DNAH5: variants seen among roughly 807,000 people sequenced by gnomAD.
The protein encoded by DNAH5 is dynein axonemal heavy chain 5.
In DNAH5, 372 loss-of-function variants were observed where a neutral mutation model predicts 518.2. The ratio of observed to expected loss-of-function variants is 0.72; its 90% CI spans 0.66 to 0.78. DNAH5 has a LOEUF of 0.78. Among genes scored for constraint, DNAH5 ranks in the 30% least tolerant of loss-of-function variants. The probability of loss-of-function intolerance (pLI) is 0.00; values close to 1 mark genes in which losing one functional copy is unlikely to be tolerated. For missense variants in DNAH5, 5,523 were observed against 5,687.0 expected (o/e 0.97, Z 0.93); for synonymous variants, 2,039 against 2,025.9 (o/e 1.01, Z -0.17).
In DNAH5 at chr5:13,901,434, C is replaced by A. The variant is rs373727231; in HGVS notation, c.1870G>T (p.Ala624Ser). ...TGGCGGGCCCACAAAATCTTTCCAG[C>A]GATGGGAGGCTGGTTTCGAGCCAGA... ...PPLARNQPPI[A>S]GKILWARQLF... The change falls in exon 14 of 79, where the codon GCT (alanine) becomes TCT (serine). Residue 624 changes from alanine to serine, a missense_variant. Physicochemically the swap from Ala to Ser is moderately conservative, Grantham distance 99 (BLOSUM62 1). Transcript: ENST00000265104. 3 of 1,613,982 alleles carry A rather than the reference C, an allele frequency of 1.9e-6. No homozygotes were observed. Among genetic ancestry groups the A allele is most frequent in the South Asian group, 1.1e-5 (1 of 91,062 alleles).
chr5:13,849,689 T>C (rs1036106550), intron 31 of DNAH5, among the ~76,000 whole-genome samples: 1 of 152,212 alleles, frequency 6.6e-6, no homozygotes, highest in African/African-American at 2.4e-5. Context: ...TTCTCATGCA[T>C]TGTTATTTTC....
At chr5:13,703,916 T>C (rs1475087120) in intron 76 of DNAH5, among the ~76,000 whole-genome samples, 1 of 152,160 alleles carries the variant, frequency 6.6e-6, no homozygotes, top group African/African-American at 2.4e-5. Context: ...GAAAGTGGCA[T>C]GGGTCACTTC....
chr5:13,816,052 G>A (rs1761404011), intron 42 of DNAH5, among the ~76,000 whole-genome samples: 1 of 152,154 alleles, frequency 6.6e-6, no homozygotes, highest in Admixed American at 6.5e-5. Context: ...AATCCCTGCA[G>A]CCCAGAGAAG....
Position 13,873,291 on chromosome 5 carries a change from T to C in DNAH5, c.3397-1526A>G, listed in dbSNP as rs576560070. Reference sequence around the variant, plus strand: ...CATCTTTTATAGTAAAGTTCTGTAATTACTATAGTGTTATTAAATATGTGA... The same window carrying C: ...CATCTTTTATAGTAAAGTTCTGTAACTACTATAGTGTTATTAAATATGTGA... On this transcript the variant is annotated intron_variant, in intron 22 of 78. Coordinates refer to ENST00000265104, the MANE Select transcript of DNAH5 (RefSeq NM_001369.3). Among the ~76,000 whole-genome samples the C allele has an allele frequency of 3.5e-4, 53 of 152,312 alleles. 1 individual carries two copies. The highest frequency in any genetic ancestry group is 1.2e-3 in the African/African-American group (50 of 41,578).
At chr5:13,803,931 C>T (rs1202418224) in intron 47 of DNAH5, among the ~76,000 whole-genome samples, 3 of 152,234 alleles carry the variant, frequency 2.0e-5, no homozygotes, top group African/African-American at 7.2e-5. Flanking sequence ...AAAAATAAAA[C>T]CTATTGCTAT....
Position 13,961,096 on chromosome 5 carries a change from C to T in DNAH5, c.13-29852G>A, listed in dbSNP as rs532315802. Among the ~76,000 whole-genome samples the T allele has an allele frequency of 7.2e-5, 11 of 152,314 alleles. No homozygotes were observed. The East Asian group carries it at 2.1e-3, about 29-fold the overall frequency. ...GCAGATTTCTTTGAGTCAGGAAAGG[C>T]AGGTAAGGAAGAAGCTTCTTTGCTG... On this transcript the variant is annotated intron_variant, in intron 1 of 78. Transcript: ENST00000681290.
intron 65 of DNAH5, among the ~76,000 whole-genome samples, chr5:13,749,019 C>T (rs1265143422): frequency 6.6e-6 from 1 of 151,980 alleles, no homozygotes; most frequent in Non-Finnish European, 1.5e-5. Flanking sequence ...ACCACCCAGA[C>T]TGAGAAGGTC....
intron 1 of DNAH5, among the ~76,000 whole-genome samples, chr5:13,990,407 G>T (rs1783444798): frequency 6.6e-6 from 1 of 151,950 alleles, no homozygotes. Context: ...GAAAAAATTA[G>T]CTGGGCGTGG....
chr5:13,715,669 T>C (rs1298655884), intron 74 of DNAH5, among the ~76,000 whole-genome samples: 1 of 152,220 alleles, frequency 6.6e-6, no homozygotes, highest in Non-Finnish European at 1.5e-5. Flanking sequence ...TAAATAATGA[T>C]ATAATGAATT....
chr5:13,776,324 T>G, intron 55 of DNAH5, 115 bp downstream of exon 55: 2 of 1,392,574 alleles, frequency 1.4e-6, no homozygotes, highest in Non-Finnish European at 2.0e-6. Context: ...TGCCTTCCCA[T>G]GACATCCTGG....
At chr5:13,929,511 T>C (rs1439185567) in intron 2 of DNAH5, among the ~76,000 whole-genome samples, 4 of 152,224 alleles carry the variant, frequency 2.6e-5, no homozygotes, top group Admixed American at 2.0e-4. Context: ...CATCTTAAAA[T>C]AATGTTTTTA....
intron 76 of DNAH5, among the ~76,000 whole-genome samples, chr5:13,705,818 G>T (rs75206915): frequency 4.4e-5 from 6 of 136,344 alleles, no homozygotes; most frequent in African/African-American, 1.6e-4. Flanking sequence ...TGTACACAAG[G>T]CAAAGAAAAT....
At chr5:13,771,870 G>C (rs1028934978) in intron 55 of DNAH5, among the ~76,000 whole-genome samples, 4 of 152,076 alleles carry the variant, frequency 2.6e-5, no homozygotes, top group Non-Finnish European at 5.9e-5. Context: ...AGTAAGCAAG[G>C]CTTAAAAAGG....
Position 13,691,764 on chromosome 5 carries a change from T to TATATCACTAA in DNAH5, c.*210_*219dup. The TATATCACTAA allele has an allele frequency of 1.4e-5, 8 of 578,670 alleles. No individual in the cohort carries two copies. In the South Asian group the frequency reaches 1.4e-4, roughly 10 times the overall value. The allele number at this position is 578,670 out of a possible 1,614,324, so 35.8% of individuals were successfully genotyped here. On this transcript the variant is annotated 3_prime_UTR_variant, in exon 79 of 79. Coordinates refer to ENST00000265104, the MANE Select transcript of DNAH5 (RefSeq NM_001369.3). Reference sequence around the variant, plus strand: ...CATTAGGATGCTGTAAATTTACTTTTATATCACTAAATAACATTTTCAACA... The same window carrying TATATCACTAA: ...CATTAGGATGCTGTAAATTTACTTTTATATCACTAAATATCACTAAATAACATTTTCAACA...
chr5:13,856,510 C>A (rs1045019594), intron 30 of DNAH5, among the ~76,000 whole-genome samples: 2 of 152,134 alleles, frequency 1.3e-5, no homozygotes, highest in African/African-American at 4.8e-5. Flanking sequence ...CTCCCTAACT[C>A]ATTTTATGAG....
intron 21 of DNAH5, 123 bp downstream of exon 21, chr5:13,882,605 G>T: frequency 1.3e-6 from 1 of 797,692 alleles, no homozygotes; most frequent in Non-Finnish European, 2.1e-6. Flanking sequence ...ACTTCAAATT[G>T]GCTCATAGAT....
intron 50 of DNAH5, among the ~76,000 whole-genome samples, chr5:13,789,685 T>C (rs1273733728): frequency 6.6e-6 from 1 of 152,232 alleles, no homozygotes. Context: ...CAAAAGTTTA[T>C]GATAACATCA....
Position 13,944,554 on chromosome 5 carries a change from T to A in DNAH5, c.-116A>T. The A allele has an allele frequency of 1.2e-6, 1 of 839,220 alleles. No homozygotes were observed. The highest frequency in any genetic ancestry group is 2.0e-5 in the Admixed American group (1 of 50,410). The allele number at this position is 839,220 out of a possible 1,614,324, so 52.0% of individuals were successfully genotyped here. ...ATGGAAAGTTTTACTTCCATTTTAC[T>A]TTCACGTTTCTAATTTGCATGTATT... On this transcript the variant is annotated 5_prime_UTR_variant, in exon 1 of 79. It adds an upstream start codon to the 5' untranslated region. Coordinates refer to ENST00000265104, the MANE Select transcript of DNAH5 (RefSeq NM_001369.3).
At position 13,768,228 on chromosome 5, in the gene DNAH5, T is replaced by A. The variant is rs553853395; in HGVS notation, c.9897+732A>T. On this transcript the variant is annotated intron_variant, in intron 58 of 78. Coordinates refer to ENST00000265104, the MANE Select transcript of DNAH5 (RefSeq NM_001369.3). Reference sequence around the variant, plus strand: ...AGGTGATTGGATCATGGGGACAGTTTCCCCCATGCTGTTCTCATGATGGTG... The same window carrying A: ...AGGTGATTGGATCATGGGGACAGTTACCCCCATGCTGTTCTCATGATGGTG... Among the ~76,000 whole-genome samples the A allele has an allele frequency of 2.0e-5, 3 of 152,132 alleles. No individual in the cohort carries two copies. In the East Asian group the frequency reaches 5.8e-4, roughly 29 times the overall value.
Sources: gnomAD v4.1 joint callset for allele counts (sites outside exome capture counted in the v4.1 genomes callset) on GRCh38, gnomAD v4.1.1 for gene constraint, MANE v1.5 for transcripts, NCBI Gene and HGNC (gene_info 2026-07-23, HGNC 2026-07-21) for gene names.